Variants in TGFBR2 observed in about 807,000 individuals in gnomAD.
The protein encoded by TGFBR2 is TGF-beta receptor type-2.
A neutral mutation model predicts 49.0 loss-of-function variants in TGFBR2; 18 were observed. The observed-to-expected ratio is 0.37, with a 90% CI of 0.25 to 0.54. TGFBR2 has a LOEUF of 0.54. TGFBR2 is among the 20% of genes least tolerant of loss of function. TGFBR2 has a pLI of 0.85. For missense variants in TGFBR2, 525 were observed against 722.6 expected (o/e 0.73, Z 3.13); for synonymous variants, 282 against 275.9 (o/e 1.02, Z -0.22).
In TGFBR2 at chr3:30,635,593, G is replaced by A. The variant is rs1292236373; in HGVS notation, c.95-9154G>A. Among the ~76,000 whole-genome samples, 8 of 152,136 alleles carry A rather than the reference G, an allele frequency of 5.3e-5. No individual in the cohort carries two copies. In the South Asian group the frequency reaches 6.2e-4, roughly 12 times the overall value. ...GTTCAGCTACAGCTTGTTTCATTCC[G>A]TAGAAGACTAAAAAAACTTCCTTGT... On this transcript the variant is annotated intron_variant, in intron 1 of 6. Coordinates refer to ENST00000295754, the MANE Select transcript of TGFBR2 (RefSeq NM_003242.6).
chr3:30,615,871 C>T (rs1336554242), intron 1 of TGFBR2, among the ~76,000 whole-genome samples: 2 of 152,040 alleles, frequency 1.3e-5, no homozygotes, highest in Middle Eastern at 3.2e-3. Context: ...GGACTAAAGG[C>T]ATGCACCACC....
chr3:30,635,468 G>A (rs908588031), intron 1 of TGFBR2, among the ~76,000 whole-genome samples: 9 of 152,168 alleles, frequency 5.9e-5, no homozygotes, highest in African/African-American at 2.2e-4. Context: ...GATTTATTTG[G>A]GGTCATTGGG....
Position 30,606,627 on chromosome 3 carries a change from C to T in TGFBR2, c.-257C>T. 2.8e-6 allele frequency: 1 copy of T among 362,178 alleles called. No homozygotes were observed. The allele number at this position is 362,178 out of a possible 1,614,324, so 22.4% of individuals were successfully genotyped here. ...CTCGCGCGCACGGAGCGACGACACC[C>T]CCGCGCGTGCACCCGCTCGGGACAG... On this transcript the variant is annotated 5_prime_UTR_variant, in exon 1 of 7. Coordinates refer to ENST00000295754, the MANE Select transcript of TGFBR2 (RefSeq NM_003242.6).
At chr3:30,688,119 C>T (rs1559472219) in intron 5 of TGFBR2, among the ~76,000 whole-genome samples, 1 of 152,350 alleles carries the variant, frequency 6.6e-6, no homozygotes, top group South Asian at 2.1e-4. Flanking sequence ...CCCTCTCTAT[C>T]TTGTTGTCCA....
chr3:30,690,743 A>G (rs927619606), intron 6 of TGFBR2, among the ~76,000 whole-genome samples: 1 of 152,336 alleles, frequency 6.6e-6, no homozygotes, highest in East Asian at 1.9e-4. Flanking sequence ...GGGAGGGATG[A>G]ATAAGTGGAA....
intron 1 of TGFBR2, among the ~76,000 whole-genome samples, chr3:30,619,270 T>C (rs1698186700): frequency 6.6e-6 from 1 of 152,226 alleles, no homozygotes; most frequent in East Asian, 1.9e-4. Context: ...ATATTTGTCA[T>C]CTGTAAAAAT....
chr3:30,661,692 A>C (rs1699135538), intron 3 of TGFBR2: 3 of 433,466 alleles, frequency 6.9e-6, no homozygotes, highest in Non-Finnish European at 1.4e-5. Flanking sequence ...GAATCAAAAC[A>C]AAACAGAAAG....
intron 6 of TGFBR2, among the ~76,000 whole-genome samples, chr3:30,689,448 C>T (rs533339926): frequency 3.9e-5 from 6 of 152,112 alleles, no homozygotes; most frequent in South Asian, 4.1e-4. Context: ...CCATGAAGGC[C>T]GAGGCTAAGT....
intron 5 of TGFBR2, among the ~76,000 whole-genome samples, chr3:30,684,756 T>G (rs944664502): frequency 2.0e-5 from 3 of 152,210 alleles, no homozygotes; most frequent in Non-Finnish European, 4.4e-5. Flanking sequence ...TTAGGAAAAG[T>G]AGGAAGTAAC....
intron 5 of TGFBR2, among the ~76,000 whole-genome samples, chr3:30,684,950 T>C (rs1314037064): frequency 1.3e-5 from 2 of 152,204 alleles, no homozygotes; most frequent in African/African-American, 2.4e-5. Flanking sequence ...GTGTAGTGTT[T>C]GTAACTAGGA....
intron 3 of TGFBR2, among the ~76,000 whole-genome samples, chr3:30,659,873 G>A (rs1473934597): frequency 1.3e-5 from 2 of 151,860 alleles, no homozygotes; most frequent in Admixed American, 6.6e-5. Context: ...GAGTGTCTCA[G>A]TGTCCCACCA....
At chr3:30,639,679 C>T (rs929459181) in intron 1 of TGFBR2, among the ~76,000 whole-genome samples, 1 of 152,184 alleles carries the variant, frequency 6.6e-6, no homozygotes, top group Non-Finnish European at 1.5e-5. Flanking sequence ...TTTCAGTGGT[C>T]TTACTATGAA....
rs748134992 is a variant in TGFBR2 at position 30,629,332 on chromosome 3, A to G, written c.95-15415A>G. Among the ~76,000 whole-genome samples, 6 of 152,184 alleles carry G rather than the reference A, an allele frequency of 3.9e-5. No individual in the cohort carries two copies. In the East Asian group the frequency reaches 7.7e-4, roughly 20 times the overall value. On this transcript the variant is annotated intron_variant, in intron 1 of 6. Transcript: ENST00000295754. Reference sequence around the variant, plus strand: ...AGATTATGCCCTTGACTTTTGAACAATGTGTCTTGGGAGAGTTCTCTTGGC... The same window carrying G: ...AGATTATGCCCTTGACTTTTGAACAGTGTGTCTTGGGAGAGTTCTCTTGGC...
chr3:30,624,926 G>T (rs1698303690), intron 1 of TGFBR2, among the ~76,000 whole-genome samples: 1 of 152,082 alleles, frequency 6.6e-6, no homozygotes, highest in Non-Finnish European at 1.5e-5. Flanking sequence ...GGATTTTCCA[G>T]CAAAGATGAG....
chr3:30,637,478 A>G (rs74568713), intron 1 of TGFBR2, among the ~76,000 whole-genome samples: 1,774 of 152,306 alleles, frequency 0.012, 36 homozygotes, highest in African/African-American at 0.041. Flanking sequence ...CCCATTGGCC[A>G]AACTTACTGG....
chr3:30,625,505 C>A (rs1030936048), intron 1 of TGFBR2, among the ~76,000 whole-genome samples: 3 of 152,180 alleles, frequency 2.0e-5, no homozygotes, highest in Admixed American at 1.3e-4. Flanking sequence ...GAAACTTGGT[C>A]CTCAGATCTT....
intron 1 of TGFBR2, among the ~76,000 whole-genome samples, chr3:30,635,578 A>G (rs552644973): frequency 1.4e-4 from 22 of 152,310 alleles, no homozygotes; most frequent in Admixed American, 1.2e-3. Flanking sequence ...GTTCAGCTAC[A>G]GCTTGTTTCA....
intron 3 of TGFBR2, among the ~76,000 whole-genome samples, chr3:30,656,942 G>A (rs895073850): frequency 6.6e-6 from 1 of 152,210 alleles, no homozygotes. Flanking sequence ...TACTCTGAAT[G>A]TGTGCACCTG....
intron 1 of TGFBR2, among the ~76,000 whole-genome samples, chr3:30,638,175 C>T (rs1398965052): frequency 6.6e-6 from 1 of 152,144 alleles, no homozygotes; most frequent in African/African-American, 2.4e-5. Flanking sequence ...ATAGAGAACT[C>T]ATATGATTTG....
Sources: allele counts gnomAD v4.1 joint callset (sites outside exome capture counted in the v4.1 genomes callset), GRCh38; gene constraint gnomAD v4.1.1; transcripts MANE v1.5; gene names NCBI Gene and HGNC (gene_info 2026-07-23, HGNC 2026-07-21).